Variants in AXDND1 observed in about 807,000 individuals in gnomAD.
AXDND1 encodes axonemal dynein light chain domain-containing protein 1.
A neutral mutation model predicts 137.5 loss-of-function variants in AXDND1; 110 were observed. The ratio of observed to expected loss-of-function variants is 0.80; its 90% confidence interval spans 0.69 to 0.94. AXDND1 has a LOEUF of 0.94. Among genes scored for constraint, AXDND1 ranks in the 40% least tolerant of loss-of-function variants. The probability of loss-of-function intolerance (pLI) is 0.00; values close to 1 mark genes in which losing one functional copy is unlikely to be tolerated. For synonymous variants in AXDND1, 414 were observed against 399.7 expected (o/e 1.04, Z -0.43); for missense variants, 1,191 against 1,169.8 (o/e 1.02, Z -0.26).
chr1:179,451,069 T>C (rs1660484527), intron 16 of AXDND1: 1 of 152,244 alleles, frequency 6.6e-6, no homozygotes. Context: ...TATCTTTATC[T>C]GGTTTTGGTG....
At chr1:179,543,749 CT>C (rs532306037) in intron 25 of AXDND1, 1 of 152,192 alleles carries the variant, frequency 6.6e-6, no homozygotes, top group Non-Finnish European at 1.5e-5. Context: ...AATGACCACA[CT>C]TGAACTTGGG....
chr1:179,519,356 T>C (rs995497538), intron 21 of AXDND1, among the ~76,000 whole-genome samples: 1 of 152,216 alleles, frequency 6.6e-6, no homozygotes, highest in Non-Finnish European at 1.5e-5. Context: ...CTATGGATAG[T>C]TTCTTTTACT....
At chr1:179,551,381 G>T in intron 25 of AXDND1, 1 of 1,614,084 alleles carries the variant, frequency 6.2e-7, no homozygotes, top group Non-Finnish European at 8.5e-7. Flanking sequence ...GGCAGCAGGG[G>T]TGCCTGACAG....
At chr1:179,506,589 G>A (rs568426764) in intron 20 of AXDND1, among the ~76,000 whole-genome samples, 4 of 152,186 alleles carry the variant, frequency 2.6e-5, no homozygotes, top group East Asian at 1.9e-4. Flanking sequence ...AAAATTAGCC[G>A]GGCATGGTGG....
At chr1:179,506,846 G>A (rs1018876742) in intron 20 of AXDND1, 73 of 985,332 alleles carry the variant, frequency 7.4e-5, no homozygotes, top group African/African-American at 8.7e-5. Flanking sequence ...TAGCACTGCC[G>A]GTTCCAGGAT....
At chr1:179,423,700 A>C (rs981121144) in intron 12 of AXDND1, among the ~76,000 whole-genome samples, 2 of 119,320 alleles carry the variant, frequency 1.7e-5, no homozygotes, top group Admixed American at 1.8e-4. Context: ...AAAAAAGAAA[A>C]GAAGCAAATA....
chr1:179,508,582 C>T lies in AXDND1; in HGVS notation c.2389-714C>T, dbSNP rs577784042. Among the ~76,000 whole-genome samples the T allele has an allele frequency of 3.9e-5, 6 of 152,218 alleles. No individual in the cohort carries two copies. The South Asian group carries it at 8.3e-4, about 21-fold the overall frequency. ...AACTGTTAGGAGATCTTGGTAAATACAGTTTAACTATTTACCTTAGGGGAT... is the reference window on the plus strand; with the variant it reads ...AACTGTTAGGAGATCTTGGTAAATATAGTTTAACTATTTACCTTAGGGGAT... On this transcript the variant is annotated intron_variant, in intron 20 of 25. Transcript: ENST00000367618.
chr1:179,408,974 T>C (rs1331799567), intron 11 of AXDND1, among the ~76,000 whole-genome samples: 159 of 111,484 alleles, frequency 1.4e-3, no homozygotes, highest in South Asian at 9.8e-3. Context: ...CTTTCTTTTT[T>C]TTTTTTTTTT....
rs1396695712 is a variant in AXDND1 at position 179,383,551 on chromosome 1, G to A, written c.741+7G>A. 1 of 1,606,012 alleles carries A rather than the reference G, an allele frequency of 6.2e-7. No individual in the cohort carries two copies. Among genetic ancestry groups the A allele is most frequent in the Non-Finnish European group, 8.5e-7 (1 of 1,172,990 alleles). The stretch of plus-strand genomic sequence containing the variant: ...ATATACAGGACCAACGAAGGTAATT[G>A]CAAAGCCGAATGCAACCTGGTGGCT... On this transcript the variant is annotated splice_region_variant and intron_variant, in intron 8 of 25. Coordinates refer to ENST00000367618, the MANE Select transcript of AXDND1 (RefSeq NM_144696.6).
intron 20 of AXDND1, among the ~76,000 whole-genome samples, chr1:179,498,140 C>T (rs1667641371): frequency 6.6e-6 from 1 of 151,634 alleles, no homozygotes; most frequent in Non-Finnish European, 1.5e-5. Flanking sequence ...TCATTCTTCA[C>T]AGAATTTGAA....
At chr1:179,524,785 G>A (rs915458388) in intron 21 of AXDND1, among the ~76,000 whole-genome samples, 8 of 151,894 alleles carry the variant, frequency 5.3e-5, no homozygotes, top group African/African-American at 1.9e-4. Flanking sequence ...CTTCTTTAAA[G>A]CTATTCTCCT....
chr1:179,394,714 T>G (rs1650778205), intron 10 of AXDND1, among the ~76,000 whole-genome samples: 1 of 152,124 alleles, frequency 6.6e-6, no homozygotes, highest in African/African-American at 2.4e-5. Flanking sequence ...CATATAGCCA[T>G]CAAAGTTAGT....
At chr1:179,520,644 A>G (rs1669964241) in intron 21 of AXDND1, among the ~76,000 whole-genome samples, 1 of 151,864 alleles carries the variant, frequency 6.6e-6, no homozygotes. Flanking sequence ...ATAATATTAA[A>G]TTTATATATT....
At chr1:179,535,430 G>A (rs1277336476) in intron 25 of AXDND1, among the ~76,000 whole-genome samples, 2 of 152,026 alleles carry the variant, frequency 1.3e-5, no homozygotes, top group East Asian at 3.9e-4. Context: ...GTGTCCATGT[G>A]TTCTCATTGT....
In AXDND1 at chr1:179,445,110, G is replaced by A; in HGVS notation, c.1704G>A (p.Gly568=). ...GIFNRHKSLE[G]EMPSERQYME... is the part of the protein sequence containing the mutation. ...TTAATCGGCATAAAAGTTTGGAGGG[G>A]GAGATGCCATCAGAGCGACAGTACA... Residue 568 remains glycine (G), a synonymous_variant, in exon 16 of 26, where the codon GGG becomes GGA. Coordinates refer to ENST00000367618, the MANE Select transcript of AXDND1 (RefSeq NM_144696.6). 1 of 1,613,190 alleles carries A rather than the reference G, an allele frequency of 6.2e-7. No individual in the cohort carries two copies. Among genetic ancestry groups the A allele is most frequent in the Non-Finnish European group, 8.5e-7 (1 of 1,179,428 alleles).
chr1:179,421,722 G>C (rs1330637018), intron 12 of AXDND1, among the ~76,000 whole-genome samples: 5 of 151,952 alleles, frequency 3.3e-5, no homozygotes, highest in Non-Finnish European at 4.4e-5. Flanking sequence ...AAGCTTTATT[G>C]ATTTTGCTTA....
chr1:179,374,995 A>G (rs1412825897), intron 4 of AXDND1, among the ~76,000 whole-genome samples: 1 of 150,702 alleles, frequency 6.6e-6, no homozygotes, highest in African/African-American at 2.4e-5. Context: ...ATAAATAAAT[A>G]AAATAAATTA....
chr1:179,369,285 C>T (rs1007961422), intron 3 of AXDND1, among the ~76,000 whole-genome samples: 3 of 152,134 alleles, frequency 2.0e-5, no homozygotes, highest in Admixed American at 6.5e-5. Flanking sequence ...GCCATGTTGC[C>T]TATGCTGGTC....
chr1:179,504,723 CCTA>C (rs767320334), intron 20 of AXDND1, among the ~76,000 whole-genome samples: 1 of 151,838 alleles, frequency 6.6e-6, no homozygotes, highest in Non-Finnish European at 1.5e-5. Context: ...TCTTTGAGGA[CCTA>C]CACTTTCCAC....
Sources: gnomAD v4.1 joint callset for allele counts (sites outside exome capture counted in the v4.1 genomes callset) on GRCh38, gnomAD v4.1.1 for gene constraint, MANE v1.5 for transcripts, NCBI Gene and HGNC (gene_info 2026-07-23, HGNC 2026-07-21) for gene names.